TMEM132D: variants seen among roughly 807,000 people sequenced by gnomAD.
TMEM132D encodes the protein mature OL transmembrane protein.
Under a neutral mutation model 62.3 loss-of-function variants are expected in TMEM132D, and 21 were observed. The ratio of observed to expected loss-of-function variants is 0.34; its 90% confidence interval spans 0.24 to 0.49. TMEM132D has a LOEUF of 0.49. Among genes scored for constraint, TMEM132D ranks in the 20% least tolerant of loss-of-function variants. The pLI, the probability that TMEM132D is intolerant of heterozygous loss-of-function variation, is 0.99. For missense variants in TMEM132D, 1,346 were observed against 1,402.8 expected, an observed-to-expected ratio of 0.96 and a Z score of 0.65; for synonymous variants, 621 against 575.6, an observed-to-expected ratio of 1.08 and a Z score of -1.13.
chr12:129,609,434 G>A (rs930035384), intron 2 of TMEM132D, among the ~76,000 whole-genome samples: 1 of 152,060 alleles, frequency 6.6e-6, no homozygotes, highest in African/African-American at 2.4e-5. Flanking sequence ...AACCCCCGTG[G>A]CATGGTTGGC....
chr12:129,494,517 T>A (rs1874890874), intron 3 of TMEM132D, among the ~76,000 whole-genome samples: 1 of 152,214 alleles, frequency 6.6e-6, no homozygotes, highest in South Asian at 2.1e-4. Context: ...ACAGGATATG[T>A]AAATTTTATA....
At chr12:129,848,498 G>A (rs1456273484) in intron 1 of TMEM132D, among the ~76,000 whole-genome samples, 1 of 152,130 alleles carries the variant, frequency 6.6e-6, no homozygotes. Flanking sequence ...AAAAAGACAC[G>A]TTTTCCAATG....
chr12:129,760,523 G>T (rs1001353953), intron 1 of TMEM132D, among the ~76,000 whole-genome samples: 1 of 149,776 alleles, frequency 6.7e-6, no homozygotes, highest in Non-Finnish European at 1.5e-5. Context: ...GCTGATTTTT[G>T]TATTTTTAGC....
At chr12:129,731,291 C>G (rs1311493967) in intron 1 of TMEM132D, among the ~76,000 whole-genome samples, 2 of 152,018 alleles carry the variant, frequency 1.3e-5, no homozygotes, top group African/African-American at 2.4e-5. Context: ...ACTGCCCTCT[C>G]GAAACATACT....
chr12:129,251,509 T>C lies in TMEM132D; in HGVS notation c.1300-41846A>G, dbSNP rs143052512. Among the ~76,000 whole-genome samples the C allele has an allele frequency of 3.8e-3, 574 of 152,326 alleles. 4 individuals are homozygous for C. Among genetic ancestry groups the C allele is most frequent in the African/African-American group, 0.013 (535 of 41,570 alleles). On this transcript the variant is annotated intron_variant, in intron 4 of 8. Transcript: ENST00000422113. ...AAACTCTAAAGTGTTCCTGTTTGCC[T>C]GCAGGCATCTCGGCATTCAATTTTA...
intron 1 of TMEM132D, among the ~76,000 whole-genome samples, chr12:129,841,506 G>A (rs976775177): frequency 2.6e-5 from 4 of 152,128 alleles, no homozygotes; most frequent in Admixed American, 1.3e-4. Context: ...TGCCAAGAGC[G>A]TGTTAATTTT....
At chr12:129,187,655 C>T (rs952248507) in intron 5 of TMEM132D, among the ~76,000 whole-genome samples, 1 of 152,216 alleles carries the variant, frequency 6.6e-6, no homozygotes, top group Non-Finnish European at 1.5e-5. Flanking sequence ...GTCAGCAGGA[C>T]ATCCTATTTC....
chr12:129,687,262 G>A (rs1253319455), intron 2 of TMEM132D, among the ~76,000 whole-genome samples: 3 of 152,132 alleles, frequency 2.0e-5, no homozygotes, highest in African/African-American at 4.8e-5. Context: ...AGGAATGTGA[G>A]GTCGAATGTA....
intron 3 of TMEM132D, among the ~76,000 whole-genome samples, chr12:129,373,832 T>C (rs1870698896): frequency 6.6e-6 from 1 of 152,164 alleles, no homozygotes; most frequent in Non-Finnish European, 1.5e-5. Context: ...CCAAACGGCC[T>C]AAGAATTTGG....
chr12:129,528,506 C>T (rs919040334), intron 3 of TMEM132D, among the ~76,000 whole-genome samples: 1 of 151,886 alleles, frequency 6.6e-6, no homozygotes, highest in Non-Finnish European at 1.5e-5. Context: ...AGCCTTTTCT[C>T]CCAGCTTCCC....
chr12:129,402,338 C>T (rs1871647859), intron 3 of TMEM132D, among the ~76,000 whole-genome samples: 1 of 152,154 alleles, frequency 6.6e-6, no homozygotes, highest in African/African-American at 2.4e-5. Context: ...ACAGCTCTCA[C>T]TCGACGGCAT....
chr12:129,765,727 G>C (rs1593153315), intron 1 of TMEM132D, among the ~76,000 whole-genome samples: 1 of 152,194 alleles, frequency 6.6e-6, no homozygotes, highest in East Asian at 1.9e-4. Flanking sequence ...ACTTGTACCT[G>C]TTCTTTGGAT....
chr12:129,688,438 C>T (rs77751929), intron 2 of TMEM132D, among the ~76,000 whole-genome samples: 3,305 of 152,192 alleles, frequency 0.022, 169 homozygotes, highest in South Asian at 0.12. Context: ...TCCTAATGAG[C>T]CATTGCTATT....
At chr12:129,491,311 C>A (rs1054422779) in intron 3 of TMEM132D, among the ~76,000 whole-genome samples, 2 of 152,216 alleles carry the variant, frequency 1.3e-5, no homozygotes, top group African/African-American at 4.8e-5. Flanking sequence ...CAGGACCCCA[C>A]TGATTTTATC....
chr12:129,892,518 TCTC>T (rs1242534206), intron 1 of TMEM132D, among the ~76,000 whole-genome samples: 2 of 152,064 alleles, frequency 1.3e-5, no homozygotes, highest in African/African-American at 2.4e-5. Flanking sequence ...CCTCTTCCCT[TCTC>T]CTCCCTCTCC....
chr12:129,333,131 T>C (rs1044296078), intron 4 of TMEM132D, among the ~76,000 whole-genome samples: 10 of 152,172 alleles, frequency 6.6e-5, no homozygotes, highest in African/African-American at 2.4e-4. Flanking sequence ...AAACATGTCA[T>C]CTAAGAAGGG....
chr12:129,646,609 C>T (rs867460579), intron 2 of TMEM132D, among the ~76,000 whole-genome samples: 51 of 152,258 alleles, frequency 3.3e-4, no homozygotes, highest in African/African-American at 1.2e-3. Flanking sequence ...GACTCTCTCT[C>T]TCCACTGAAC....
intron 4 of TMEM132D, among the ~76,000 whole-genome samples, chr12:129,323,502 G>A (rs1164915325): frequency 6.6e-6 from 1 of 152,170 alleles, no homozygotes; most frequent in Non-Finnish European, 1.5e-5. Flanking sequence ...TGATTCTGAA[G>A]AAAAGTGCTG....
chr12:129,892,307 C>T (rs1351050786), intron 1 of TMEM132D, among the ~76,000 whole-genome samples: 1 of 152,202 alleles, frequency 6.6e-6, no homozygotes, highest in Non-Finnish European at 1.5e-5. Flanking sequence ...GAGGAAAAAT[C>T]TATGTTTAAT....
Sources: gnomAD v4.1 joint callset for allele counts (sites outside exome capture counted in the v4.1 genomes callset) on GRCh38, gnomAD v4.1.1 for gene constraint, MANE v1.5 for transcripts, NCBI Gene and HGNC (gene_info 2026-07-23, HGNC 2026-07-21) for gene names.